The following SCOC variants were observed in gnomAD, a reference collection of about 807,000 sequenced individuals.
The protein encoded by SCOC is short coiled-coil protein.
In SCOC, 7 loss-of-function variants were observed where a neutral mutation model predicts 9.9. The observed-to-expected ratio is 0.71, with a 90% CI of 0.40 to 1.33. The LOEUF (loss-of-function observed/expected upper bound fraction) is 1.33. SCOC is among the 40% of genes most tolerant of loss of function. SCOC has a pLI of 0.01. For missense variants in SCOC, 66 were observed against 89.7 expected, an observed-to-expected ratio of 0.74 and a Z score of 1.07; for synonymous variants, 19 against 28.2, an observed-to-expected ratio of 0.67 and a Z score of 1.03.
intron 1 of SCOC, among the ~76,000 whole-genome samples, chr4:140,300,798 T>G (rs1731789989): frequency 1.3e-5 from 2 of 152,240 alleles, no homozygotes; most frequent in African/African-American, 4.8e-5. Context: ...AGGAAATGGA[T>G]GAACCTGGTG....
intron 1 of SCOC, among the ~76,000 whole-genome samples, chr4:140,333,615 A>G (rs540458433): frequency 6.6e-6 from 1 of 152,218 alleles, no homozygotes; most frequent in Non-Finnish European, 1.5e-5. Context: ...TAAAAGTTAC[A>G]TACAATGTGT....
chr4:140,362,136 G>C (rs1467895989), intron 2 of SCOC, among the ~76,000 whole-genome samples: 1 of 151,534 alleles, frequency 6.6e-6, no homozygotes, highest in Non-Finnish European at 1.5e-5. Flanking sequence ...GAAGGAAAGA[G>C]AGAGCCTGGC....
At chr4:140,348,624 A>G (rs1726846859) in intron 2 of SCOC, among the ~76,000 whole-genome samples, 1 of 152,036 alleles carries the variant, frequency 6.6e-6, no homozygotes, top group Non-Finnish European at 1.5e-5. Context: ...GTCGACAGAC[A>G]TTTAGGTTGT....
chr4:140,299,160 G>A (rs758351312), intron 1 of SCOC, among the ~76,000 whole-genome samples: 4 of 152,096 alleles, frequency 2.6e-5, no homozygotes, highest in African/African-American at 7.2e-5. Flanking sequence ...TAGTAGGTGC[G>A]TATATTTATG....
intron 1 of SCOC, among the ~76,000 whole-genome samples, chr4:140,296,487 C>T (rs1731640301): frequency 6.6e-6 from 1 of 152,156 alleles, no homozygotes; most frequent in Non-Finnish European, 1.5e-5. Flanking sequence ...TGAATGGCCA[C>T]GTGCCTGGGT....
chr4:140,332,359 CTTTTTTTTTTTTTTTTT>C lies in SCOC; in HGVS notation c.-18-11248_-18-11232del, dbSNP rs70943486. ...CTCATGCCAAAAACTCTGGAGTCAT[CTTTTTTTTTTTTTTTTT>C]TTTTTTTTTTTTTGAGACGGAGTAT... On this transcript the variant is annotated intron_variant, in intron 1 of 4. Coordinates refer to the SCOC transcript ENST00000394205. 2.9e-4 allele frequency among the ~76,000 whole-genome samples: 22 copies of C among 76,832 alleles called. 1 individual carries two copies. The highest frequency in any genetic ancestry group is 1.9e-3 in the South Asian group (4 of 2,140). The allele number at this position is 76,832 out of a possible 152,430, so 50.4% of individuals were successfully genotyped here.
At chr4:140,365,749 A>G (rs1727765235) in intron 2 of SCOC, among the ~76,000 whole-genome samples, 3 of 152,174 alleles carry the variant, frequency 2.0e-5, no homozygotes, top group Admixed American at 2.0e-4. Context: ...TAATGTAAAT[A>G]TATTTTCTCT....
intron 1 of SCOC, chr4:140,283,985 G>A (rs1731161377): frequency 6.6e-6 from 1 of 152,152 alleles, no homozygotes; most frequent in Non-Finnish European, 1.5e-5. Context: ...CGGTGCATCT[G>A]TACTTGAAGT....
chr4:140,312,580 C>T (rs1481192192), intron 1 of SCOC, among the ~76,000 whole-genome samples: 1 of 152,036 alleles, frequency 6.6e-6, no homozygotes, highest in African/African-American at 2.4e-5. Context: ...GTGTGCACCA[C>T]CATGCCTGGC....
At position 140,382,587 on chromosome 4, in the gene SCOC, T is replaced by TG. The variant is rs1172751313; in HGVS notation, c.*1487dup. 1 of 152,706 alleles carries TG rather than the reference T, an allele frequency of 6.5e-6. No homozygotes were observed. Among genetic ancestry groups the TG allele is most frequent in the African/African-American group, 2.4e-5 (1 of 41,550 alleles). The allele number at this position is 152,706 out of a possible 1,614,324, so 9.5% of individuals were successfully genotyped here. On this transcript the variant is annotated 3_prime_UTR_variant, in exon 4 of 4. Coordinates refer to ENST00000608372, the MANE Select transcript of SCOC (RefSeq NM_001153484.2). ...GTTTTGATATAGTTGCCTAAGTAAATGGGGTATTTAGGTATAGTGGTGTAT... is the reference window on the plus strand; with the variant it reads ...GTTTTGATATAGTTGCCTAAGTAAATGGGGGTATTTAGGTATAGTGGTGTAT...
upstream of SCOC, among the ~76,000 whole-genome samples, chr4:140,340,291 G>A (rs1163667442): frequency 3.3e-5 from 5 of 151,852 alleles, no homozygotes; most frequent in East Asian, 1.9e-4. Context: ...CACACACCAG[G>A]GCCTGTTGTG....
intron 1 of SCOC, among the ~76,000 whole-genome samples, chr4:140,277,411 C>T (rs1334046067): frequency 6.6e-6 from 1 of 152,124 alleles, no homozygotes; most frequent in Non-Finnish European, 1.5e-5. Context: ...TTTATTAAAA[C>T]TCTAAGAATT....
chr4:140,368,582 A>G (rs1727902819), intron 2 of SCOC, among the ~76,000 whole-genome samples: 3 of 152,224 alleles, frequency 2.0e-5, no homozygotes, highest in Admixed American at 2.0e-4. Context: ...GGAAGAAAAG[A>G]ACACAGAATC....
intron 1 of SCOC, among the ~76,000 whole-genome samples, chr4:140,311,774 A>C (rs1034526440): frequency 1.3e-5 from 2 of 152,210 alleles, no homozygotes; most frequent in African/African-American, 4.8e-5. Flanking sequence ...AATTGAGATA[A>C]TACCTAGTAG....
intron 2 of SCOC, among the ~76,000 whole-genome samples, chr4:140,344,840 A>C (rs757460056): frequency 6.6e-6 from 1 of 152,138 alleles, no homozygotes; most frequent in Non-Finnish European, 1.5e-5. Context: ...GGGGAGCCCT[A>C]TATGCTGTGG....
At chr4:140,305,064 C>G (rs1473433209) in intron 1 of SCOC, among the ~76,000 whole-genome samples, 1 of 152,180 alleles carries the variant, frequency 6.6e-6, no homozygotes, top group African/African-American at 2.4e-5. Flanking sequence ...ATGCCATCAG[C>G]AAGAATCCCC....
chr4:140,377,537 T>C (rs921364996), intron 1 of SCOC, among the ~76,000 whole-genome samples: 2 of 152,200 alleles, frequency 1.3e-5, no homozygotes, highest in Non-Finnish European at 2.9e-5. Context: ...TTTAATAATG[T>C]TATACAAGGG....
At chr4:140,371,473 T>C (rs751611024), upstream of SCOC, among the ~76,000 whole-genome samples, 2 of 152,206 alleles carry the variant, frequency 1.3e-5, no homozygotes, top group Non-Finnish European at 2.9e-5. Flanking sequence ...TTCTTATTTT[T>C]ATATAAATAG....
upstream of SCOC, among the ~76,000 whole-genome samples, chr4:140,370,914 G>C (rs1159956515): frequency 6.8e-6 from 1 of 147,958 alleles, no homozygotes; most frequent in East Asian, 2.0e-4. Context: ...TTTTTGAGAC[G>C]GAGTCTCACC....
Sources: gnomAD v4.1 joint callset for allele counts (sites outside exome capture counted in the v4.1 genomes callset) on GRCh38, gnomAD v4.1.1 for gene constraint, MANE v1.5 for transcripts, NCBI Gene and HGNC (gene_info 2026-07-23, HGNC 2026-07-21) for gene names.